Variants in DLG2 observed in about 807,000 individuals in gnomAD.
DLG2 encodes the protein discs large MAGUK scaffold protein 2.
Under a neutral mutation model 132.5 loss-of-function variants are expected in DLG2, and 45 were observed. That is an observed-to-expected ratio of 0.34 (90% CI 0.27 to 0.44). The LOEUF is 0.44. DLG2 is among the 20% of genes least tolerant of loss of function. The pLI, the probability that DLG2 is intolerant of heterozygous loss-of-function variation, is 1.00. For synonymous variants in DLG2, 424 were observed against 419.6 expected, an observed-to-expected ratio of 1.01 and a Z score of -0.13; for missense variants, 1,045 against 1,196.9, an observed-to-expected ratio of 0.87 and a Z score of 1.87.
chr11:83,796,943 G>C (rs886494447), intron 17 of DLG2, among the ~76,000 whole-genome samples: 2 of 152,096 alleles, frequency 1.3e-5, no homozygotes, highest in African/African-American at 4.8e-5. Flanking sequence ...GTACAGAGGA[G>C]GCATTCCTAC....
chr11:83,695,109 A>G (rs1566572758), intron 18 of DLG2, among the ~76,000 whole-genome samples: 1 of 152,248 alleles, frequency 6.6e-6, no homozygotes, highest in Admixed American at 6.5e-5. Context: ...TAATTCAACT[A>G]TCATTCCATG....
chr11:83,888,487 G>C (rs1445828897), intron 15 of DLG2, among the ~76,000 whole-genome samples: 1 of 152,036 alleles, frequency 6.6e-6, no homozygotes, highest in Non-Finnish European at 1.5e-5. Context: ...CATGCTCATG[G>C]GTAGGAAGAA....
chr11:83,741,831 A>C, intron 18 of DLG2, among the ~76,000 whole-genome samples: 1 of 151,906 alleles, frequency 6.6e-6, no homozygotes, highest in Middle Eastern at 3.4e-3. Flanking sequence ...ACTTGGTGAA[A>C]CCCTGTCTCT....
In DLG2 at chr11:85,285,346, C is replaced by A. The variant is rs773829830; in HGVS notation, c.60G>T (p.Glu20Asp). 6.2e-7 allele frequency: 1 copy of A among 1,610,694 alleles called. No individual in the cohort carries two copies. Among genetic ancestry groups the A allele is most frequent in the South Asian group, 1.1e-5 (1 of 90,842 alleles). The part of the protein sequence containing the change: ...QALLDIQEFY[E>D]VTLLNSQKSC... ...TTTTTTGAGAATTTAGCAATGTCAC[C>A]TCATAAAATTCTTGGATATCTGTAA... The change falls in exon 4 of 28, where the codon GAG becomes GAT. Residue 20 changes from glutamate to aspartate, a missense_variant. By Grantham distance (45) the Glu-to-Asp change is conservative. This residue lies in a region of DLG2 where 277 missense variants were observed against 238.2 expected (regional missense o/e 1.16). Coordinates refer to ENST00000376104, the MANE Select transcript of DLG2 (RefSeq NM_001142699.3).
intron 3 of DLG2, among the ~76,000 whole-genome samples, chr11:85,569,596 C>T (rs560364439): frequency 9.2e-5 from 14 of 152,122 alleles, no homozygotes; most frequent in African/African-American, 2.4e-4. Context: ...TGTATGATTT[C>T]GGCCTTTCAA....
At chr11:84,842,330 AG>A (rs2080802430) in intron 6 of DLG2, among the ~76,000 whole-genome samples, 1 of 152,016 alleles carries the variant, frequency 6.6e-6, no homozygotes, top group Non-Finnish European at 1.5e-5. Flanking sequence ...CTGAGATTCA[AG>A]TAATTTATCC....
At chr11:84,891,749 A>G (rs1472024579) in intron 6 of DLG2, among the ~76,000 whole-genome samples, 1 of 152,164 alleles carries the variant, frequency 6.6e-6, no homozygotes. Flanking sequence ...TTGTTCAATC[A>G]TTCACTTCTT....
intron 4 of DLG2, among the ~76,000 whole-genome samples, chr11:85,241,360 C>T (rs2075868782): frequency 6.6e-6 from 1 of 151,692 alleles, no homozygotes; most frequent in South Asian, 2.1e-4. Context: ...TCTTATTTTC[C>T]AATCCTTTGA....
intron 6 of DLG2, among the ~76,000 whole-genome samples, chr11:84,996,943 C>G (rs1264038538): frequency 6.6e-6 from 1 of 152,152 alleles, no homozygotes; most frequent in Non-Finnish European, 1.5e-5. Context: ...AGCCTTTCTT[C>G]TTTCTAAAAA....
intron 7 of DLG2, among the ~76,000 whole-genome samples, chr11:84,287,741 G>GACAC (rs373708341): frequency 0.069 from 9,564 of 139,150 alleles, 341 homozygotes; most frequent in South Asian, 0.11. Context: ...CTCTCTCTTA[G>GACAC]ACACACACAC....
intron 6 of DLG2, among the ~76,000 whole-genome samples, chr11:84,676,057 G>C (rs2099710886): frequency 6.6e-6 from 1 of 152,160 alleles, no homozygotes; most frequent in South Asian, 2.1e-4. Flanking sequence ...TTCCAGTCTA[G>C]TCTGACCTTT....
At chr11:84,684,635 T>C (rs1362020792) in intron 6 of DLG2, among the ~76,000 whole-genome samples, 1 of 152,208 alleles carries the variant, frequency 6.6e-6, no homozygotes, top group Non-Finnish European at 1.5e-5. Context: ...ATGTGACCTC[T>C]GACCAGATCC....
intron 3 of DLG2, among the ~76,000 whole-genome samples, chr11:85,473,645 T>C (rs768122220): frequency 2.0e-5 from 3 of 151,968 alleles, no homozygotes; most frequent in South Asian, 4.1e-4. Context: ...TAAAATATTA[T>C]ACAATGTATC....
chr11:85,122,855 C>T (rs568250167), intron 5 of DLG2, among the ~76,000 whole-genome samples: 3 of 147,426 alleles, frequency 2.0e-5, no homozygotes, highest in African/African-American at 7.5e-5. Flanking sequence ...CACATAAATG[C>T]ACACACATAT....
At chr11:84,424,448 T>A (rs1382478903) in intron 7 of DLG2, among the ~76,000 whole-genome samples, 5 of 151,560 alleles carry the variant, frequency 3.3e-5, no homozygotes, top group Admixed American at 6.6e-5. Flanking sequence ...TATATTCATT[T>A]AAAAAAAAAC....
At chr11:85,617,822 G>T (rs1197279921) in intron 2 of DLG2, among the ~76,000 whole-genome samples, 1 of 152,146 alleles carries the variant, frequency 6.6e-6, no homozygotes, top group African/African-American at 2.4e-5. Context: ...GCCCCTGATA[G>T]AAGCTTCAAA....
intron 6 of DLG2, among the ~76,000 whole-genome samples, chr11:84,928,641 G>T (rs1450669008): frequency 6.6e-6 from 1 of 151,760 alleles, no homozygotes; most frequent in Non-Finnish European, 1.5e-5. Context: ...TTTCCAGTCA[G>T]CCATAAAGAG....
At chr11:84,034,684 G>T (rs1390926948) in intron 11 of DLG2, among the ~76,000 whole-genome samples, 1 of 152,114 alleles carries the variant, frequency 6.6e-6, no homozygotes. Flanking sequence ...TGCATCCAGT[G>T]GACTATATCC....
At chr11:84,529,337 A>G (rs144817844) in intron 7 of DLG2, among the ~76,000 whole-genome samples, 8 of 152,336 alleles carry the variant, frequency 5.3e-5, no homozygotes, top group Non-Finnish European at 8.8e-5. Context: ...CCAAATAGGA[A>G]GAGAAGGGAT....
Sources: gnomAD v4.1 joint callset for allele counts (sites outside exome capture counted in the v4.1 genomes callset) on GRCh38, gnomAD v4.1.1 for gene constraint, gnomAD v4.1.1 regional missense constraint, MANE v1.5 for transcripts, NCBI Gene and HGNC (gene_info 2026-07-23, HGNC 2026-07-21) for gene names.